The following KHDRBS2 variants were observed in gnomAD, a reference collection of about 807,000 sequenced individuals.
KHDRBS2 encodes KH domain-containing, RNA-binding, signal transduction-associated protein 2.
Under a neutral mutation model 44.3 loss-of-function variants are expected in KHDRBS2, and 26 were observed. The ratio of observed to expected loss-of-function variants is 0.59; its 90% CI spans 0.43 to 0.81. The LOEUF (loss-of-function observed/expected upper bound fraction) is 0.81. Ranked by LOEUF, KHDRBS2 falls within the 40% of genes least tolerant of loss-of-function variation. KHDRBS2 has a pLI of 0.00. For synonymous variants in KHDRBS2, 194 were observed against 151.1 expected, an observed-to-expected ratio of 1.28 and a Z score of -2.08; for missense variants, 476 against 433.1, an observed-to-expected ratio of 1.10 and a Z score of -0.88.
At chr6:61,741,458 T>C (rs1776124212) in intron 6 of KHDRBS2, among the ~76,000 whole-genome samples, 1 of 151,966 alleles carries the variant, frequency 6.6e-6, no homozygotes, top group Non-Finnish European at 1.5e-5. Flanking sequence ...ACAGTTCAGA[T>C]AATTTTAAAA....
chr6:62,022,556 C>G (rs1782545372), intron 3 of KHDRBS2, among the ~76,000 whole-genome samples: 1 of 151,722 alleles, frequency 6.6e-6, no homozygotes, highest in South Asian at 2.1e-4. Flanking sequence ...TTTATAATGA[C>G]AATTGAGATA....
chr6:62,222,212 G>T (rs1383615708), intron 1 of KHDRBS2, among the ~76,000 whole-genome samples: 1 of 151,982 alleles, frequency 6.6e-6, no homozygotes, highest in Non-Finnish European at 1.5e-5. Context: ...GATGGAAAAA[G>T]AGAGTGAGGG....
In KHDRBS2 at chr6:62,254,871, T is replaced by C. The variant is rs1395278257; in HGVS notation, c.91+30987A>G. On this transcript the variant is annotated intron_variant, in intron 1 of 8. Transcript: ENST00000281156. Reference sequence around the variant, plus strand: ...CGGAGGGATTATAAAAGGATAAGAATAATACATCATGAAACAATTGTTCAA... The same window carrying C: ...CGGAGGGATTATAAAAGGATAAGAACAATACATCATGAAACAATTGTTCAA... Among the ~76,000 whole-genome samples the C allele has an allele frequency of 2.0e-5, 3 of 152,040 alleles. No individual in the cohort carries two copies. In the East Asian group the frequency reaches 5.8e-4, roughly 29 times the overall value.
the KHDRBS2 span, among the ~76,000 whole-genome samples, chr6:61,591,048 T>C: frequency 1.3e-5 from 2 of 152,278 alleles, no homozygotes; most frequent in Non-Finnish European, 2.9e-5. Context: ...GGTAGAGACA[T>C]ATGGGAAGCC....
At chr6:62,193,955 C>A (rs1343178575) in intron 1 of KHDRBS2, among the ~76,000 whole-genome samples, 2 of 152,020 alleles carry the variant, frequency 1.3e-5, no homozygotes, top group Non-Finnish European at 2.9e-5. Context: ...CATAAAAGTT[C>A]TTTACATTCT....
chr6:61,814,074 T>C (rs1788531172), intron 6 of KHDRBS2: 7 of 455,732 alleles, frequency 1.5e-5, no homozygotes, highest in South Asian at 1.1e-4. Flanking sequence ...TATGAAGCTG[T>C]GGCTGAAAAT....
In KHDRBS2 at chr6:62,026,147, A is replaced by C. The variant is rs138753166; in HGVS notation, c.336+21731T>G. 2.7e-3 allele frequency among the ~76,000 whole-genome samples: 417 copies of C among 151,912 alleles called. 3 individuals are homozygous for C. Among genetic ancestry groups the C allele is most frequent in the African/African-American group, 9.2e-3 (381 of 41,516 alleles). The stretch of plus-strand genomic sequence containing the variant: ...AACTTCTATTATGATGAGGTATTTC[A>C]AGCTGTAAGTGTCCATTTACTTACT... On this transcript the variant is annotated intron_variant, in intron 3 of 8. Transcript: ENST00000281156.
intron 2 of KHDRBS2, among the ~76,000 whole-genome samples, chr6:62,089,360 T>C (rs1470796073): frequency 6.6e-6 from 1 of 151,418 alleles, no homozygotes; most frequent in East Asian, 1.9e-4. Context: ...GCCCTTGTGG[T>C]GCAGGCACCT....
intron 7 of KHDRBS2, among the ~76,000 whole-genome samples, chr6:61,706,950 A>AC (rs1333207890): frequency 6.6e-6 from 1 of 151,520 alleles, no homozygotes; most frequent in East Asian, 1.9e-4. Flanking sequence ...ACAAAAACAA[A>AC]AACAAAAACA....
intron 3 of KHDRBS2, among the ~76,000 whole-genome samples, chr6:62,007,267 C>A (rs1299983580): frequency 6.6e-6 from 1 of 152,060 alleles, no homozygotes; most frequent in African/African-American, 2.4e-5. Flanking sequence ...CTTTTCAACA[C>A]CTTTAAATAA....
chr6:62,079,116 G>A (rs1379684514), intron 2 of KHDRBS2, among the ~76,000 whole-genome samples: 1 of 151,918 alleles, frequency 6.6e-6, no homozygotes, highest in African/African-American at 2.4e-5. Context: ...AATTCACCAT[G>A]ATCCATAACT....
At chr6:61,570,293 A>G in the KHDRBS2 span, among the ~76,000 whole-genome samples, 1 of 152,134 alleles carries the variant, frequency 6.6e-6, no homozygotes, top group Non-Finnish European at 1.5e-5. Flanking sequence ...AGTTTTAGCA[A>G]TAGACTAGAA....
chr6:62,043,048 A>C (rs919715574), intron 3 of KHDRBS2, among the ~76,000 whole-genome samples: 16 of 152,034 alleles, frequency 1.1e-4, no homozygotes, highest in African/African-American at 3.6e-4. Context: ...AGTCTAAGAA[A>C]TTTGCTTTCA....
chr6:61,977,642 T>G lies in KHDRBS2; in HGVS notation c.483+424A>C, dbSNP rs117070334. ...GATATGTTTAAATGATATCATTGTC[T>G]TATTTCAAATTATTACATATCTGAT... is the stretch of plus-strand genomic sequence containing the variant. On this transcript the variant is annotated intron_variant, in intron 4 of 8. Transcript: ENST00000281156. 1.3e-4 allele frequency among the ~76,000 whole-genome samples: 20 copies of G among 152,262 alleles called. 1 individual carries two copies. In the East Asian group the frequency reaches 3.9e-3, roughly 29 times the overall value.
intron 2 of KHDRBS2, among the ~76,000 whole-genome samples, chr6:62,126,428 T>A (rs915225738): frequency 1.3e-5 from 2 of 152,184 alleles, no homozygotes; most frequent in African/African-American, 4.8e-5. Context: ...AGTACTTTGC[T>A]AAAGAATGGA....
At chr6:61,945,393 T>C (rs1333515712) in intron 4 of KHDRBS2, among the ~76,000 whole-genome samples, 2 of 151,576 alleles carry the variant, frequency 1.3e-5, no homozygotes, top group Non-Finnish European at 2.9e-5. Context: ...TTGCTAAGCA[T>C]AGCCAGAGGC....
downstream of KHDRBS2, among the ~76,000 whole-genome samples, chr6:61,679,726 G>A (rs547737318): frequency 4.6e-5 from 7 of 152,068 alleles, no homozygotes; most frequent in Admixed American, 2.0e-4. Flanking sequence ...TAAACTACGC[G>A]AATGAAGTCC....
At chr6:62,192,139 A>G (rs1313657755) in intron 1 of KHDRBS2, among the ~76,000 whole-genome samples, 19 of 152,078 alleles carry the variant, frequency 1.2e-4, no homozygotes, top group Non-Finnish European at 2.9e-5. Context: ...TTTATTCAAT[A>G]TATCTGATCA....
chr6:62,129,427 A>G (rs1455570373), intron 2 of KHDRBS2, among the ~76,000 whole-genome samples: 2 of 152,202 alleles, frequency 1.3e-5, no homozygotes, highest in African/African-American at 4.8e-5. Flanking sequence ...ATATGTCATT[A>G]GATTCAAAAT....
Sources: allele counts gnomAD v4.1 joint callset (sites outside exome capture counted in the v4.1 genomes callset), GRCh38; gene constraint gnomAD v4.1.1; transcripts MANE v1.5; gene names NCBI Gene and HGNC (gene_info 2026-07-23, HGNC 2026-07-21).